LRP1B: variants seen among roughly 807,000 people sequenced by gnomAD.
LRP1B encodes LDL receptor related protein 1B, also known as low-density lipoprotein receptor-related protein 1B.
A neutral mutation model predicts 556.6 loss-of-function variants in LRP1B; 217 were observed. The ratio of observed to expected loss-of-function variants is 0.39; its 90% CI spans 0.35 to 0.44. The LOEUF (loss-of-function observed/expected upper bound fraction) is 0.44, where lower values mean the gene tolerates loss of function less well. Among genes scored for constraint, LRP1B ranks in the 20% least tolerant of loss-of-function variants. LRP1B has a pLI of 1.00. For missense variants in LRP1B, 5,053 were observed against 5,620.8 expected, an observed-to-expected ratio of 0.90 and a Z score of 3.23; for synonymous variants, 2,047 against 1,865.8, an observed-to-expected ratio of 1.10 and a Z score of -2.50.
intron 1 of LRP1B, among the ~76,000 whole-genome samples, chr2:142,011,233 G>A (rs1053103365): frequency 2.0e-5 from 3 of 152,044 alleles, no homozygotes; most frequent in Non-Finnish European, 2.9e-5. Flanking sequence ...GCTTAAAATC[G>A]TATTCTGTGC....
chr2:141,697,544 T>C (rs974926710), intron 2 of LRP1B, among the ~76,000 whole-genome samples: 7 of 152,100 alleles, frequency 4.6e-5, no homozygotes, highest in East Asian at 1.9e-4. Context: ...TAAATATAGA[T>C]AGTTAAATGT....
In LRP1B at chr2:141,812,970, T is replaced by C. The variant is rs1392646777; in HGVS notation, c.83-2569A>G. ...AAGACTGGGTTCATGTGTACATGTG[T>C]CTGTGAGCCTGCTCATGGTGGGGAG... is the stretch of plus-strand genomic sequence containing the variant. On this transcript the variant is annotated intron_variant, in intron 1 of 90. Transcript: ENST00000389484. 2.6e-5 allele frequency among the ~76,000 whole-genome samples: 4 copies of C among 152,038 alleles called. No individual in the cohort carries two copies. In the East Asian group the frequency reaches 7.7e-4, roughly 29 times the overall value.
Position 140,526,341 on chromosome 2 carries a change from C to T in LRP1B, c.7772G>A (p.Cys2591Tyr). Residue 2591 changes from cysteine (C) to tyrosine (Y), a missense_variant, in exon 48 of 91, where the codon TGT (cysteine) becomes TAT (tyrosine). By Grantham distance (194) the Cys-to-Tyr change is radical. Around this residue, in one of 5 missense-constraint regions of LRP1B, gnomAD observed 3,619 missense variants for 3,931.9 expected, o/e 0.92. Transcript: ENST00000389484. ...TGCACAGCGGAACTCAACCGTGGCA[C>T]AGGTTGAAACTAGAAAAACAGGTAC... ...SDELDCKVSTCATVEFRCADG... is the reference protein window; with the variant it reads ...SDELDCKVSTYATVEFRCADG... 6.2e-7 allele frequency: 1 copy of T among 1,605,482 alleles called. No individual in the cohort carries two copies. The highest frequency in any genetic ancestry group is 1.1e-5 in the South Asian group (1 of 90,824).
chr2:140,625,011 A>G (rs941839546), intron 41 of LRP1B, among the ~76,000 whole-genome samples: 1 of 152,196 alleles, frequency 6.6e-6, no homozygotes, highest in Admixed American at 6.6e-5. Flanking sequence ...AAGAGAGAGC[A>G]TAAGAAAAAG....
chr2:141,991,859 A>G (rs1702353414), intron 1 of LRP1B, among the ~76,000 whole-genome samples: 1 of 152,076 alleles, frequency 6.6e-6, no homozygotes, highest in Non-Finnish European at 1.5e-5. Flanking sequence ...AATTTTGAGT[A>G]CTATTTCTAG....
At chr2:142,052,734 G>T (rs1704506732) in intron 1 of LRP1B, among the ~76,000 whole-genome samples, 1 of 151,880 alleles carries the variant, frequency 6.6e-6, no homozygotes, top group Non-Finnish European at 1.5e-5. Flanking sequence ...TTTCTTCATT[G>T]TTTTCAAGCT....
rs1689219578 is a variant in LRP1B, at chr2:140,769,224, T to C, written c.5747A>G (p.Asp1916Gly). 1.2e-6 allele frequency: 2 copies of C among 1,611,706 alleles called. No homozygotes were observed. The highest frequency in any genetic ancestry group is 1.7e-6 in the Non-Finnish European group (2 of 1,178,432). Residue 1916 changes from aspartate (D) to glycine (G), a missense_variant, in exon 35 of 91, where the codon GAT becomes GGT. Asp to Gly is a moderately conservative substitution (Grantham distance 94). Coordinates refer to ENST00000389484, the MANE Select transcript of LRP1B (RefSeq NM_018557.3). ...AAAAAGCTATTTACCTGCATGGAAA[T>C]CTATTCCCACGGCAAATGAAGTTCC... ...ISGTSFAVGI[D>G]FHAENDTIYW...
At chr2:140,307,065 T>A (rs1419413387) in intron 83 of LRP1B, among the ~76,000 whole-genome samples, 1 of 151,974 alleles carries the variant, frequency 6.6e-6, no homozygotes, top group Non-Finnish European at 1.5e-5. Flanking sequence ...CATAGCAAAA[T>A]CTGTCTCAGT....
chr2:141,254,737 G>T (rs1260487029), intron 3 of LRP1B, 96 bp from the exon 4 acceptor site: 8 of 903,786 alleles, frequency 8.9e-6, no homozygotes, highest in Non-Finnish European at 1.3e-5. Flanking sequence ...AGTCTTGATT[G>T]TTCTCCCAGA....
chr2:141,046,193 C>T (rs954971747), intron 11 of LRP1B, among the ~76,000 whole-genome samples: 2 of 152,136 alleles, frequency 1.3e-5, no homozygotes, highest in Admixed American at 6.6e-5. Flanking sequence ...TATTTACAAA[C>T]AGCAAACTCT....
At chr2:141,799,118 G>GT (rs902215463) in intron 2 of LRP1B, among the ~76,000 whole-genome samples, 2 of 152,186 alleles carry the variant, frequency 1.3e-5, no homozygotes, top group African/African-American at 2.4e-5. Flanking sequence ...AGTGTGTGGT[G>GT]TTTTTTTAAG....
At chr2:141,079,658 T>C (rs926293127) in intron 7 of LRP1B, among the ~76,000 whole-genome samples, 6 of 152,230 alleles carry the variant, frequency 3.9e-5, no homozygotes, top group African/African-American at 1.4e-4. Flanking sequence ...CAGCACTATT[T>C]CAGTTAGAAC....
chr2:140,748,418 A>AT (rs1559094171), intron 35 of LRP1B, among the ~76,000 whole-genome samples: 6 of 97,320 alleles, frequency 6.2e-5, no homozygotes, highest in African/African-American at 2.2e-4. Context: ...TTCATATATA[A>AT]TATATATTAT....
chr2:141,019,772 A>T (rs1004938702), intron 12 of LRP1B, 150 bp downstream of exon 12: 6 of 517,130 alleles, frequency 1.2e-5, no homozygotes, highest in Non-Finnish European at 2.0e-5. Context: ...GTACAGAAAA[A>T]CCCTTAAATG....
At chr2:141,553,236 T>C (rs1243666132) in intron 2 of LRP1B, among the ~76,000 whole-genome samples, 1 of 151,916 alleles carries the variant, frequency 6.6e-6, no homozygotes. Context: ...CTAAGATCAA[T>C]TTCAATTTTA....
chr2:140,649,853 G>A (rs1684613254), intron 41 of LRP1B, among the ~76,000 whole-genome samples: 1 of 152,104 alleles, frequency 6.6e-6, no homozygotes, highest in South Asian at 2.1e-4. Context: ...CACCTGGATG[G>A]TTATAGTTTG....
intron 49 of LRP1B, among the ~76,000 whole-genome samples, chr2:140,522,418 G>C (rs1360105999): frequency 6.6e-6 from 1 of 151,730 alleles, no homozygotes; most frequent in Non-Finnish European, 1.5e-5. Context: ...CTGAGATGTG[G>C]CAAAAACAGT....
chr2:140,338,871 C>T (rs1044230668), intron 77 of LRP1B, among the ~76,000 whole-genome samples: 1 of 151,576 alleles, frequency 6.6e-6, no homozygotes, highest in Non-Finnish European at 1.5e-5. Flanking sequence ...ATAAAAATTT[C>T]ACTTGCCCCA....
chr2:140,932,923 A>ATG (rs1695096016), intron 20 of LRP1B, among the ~76,000 whole-genome samples: 3 of 149,402 alleles, frequency 2.0e-5, no homozygotes, highest in African/African-American at 7.4e-5. Flanking sequence ...ACACATATAT[A>ATG]TGTGTATATA....
Sources: allele counts gnomAD v4.1 joint callset (sites outside exome capture counted in the v4.1 genomes callset), GRCh38; gene constraint gnomAD v4.1.1; regional missense constraint gnomAD v4.1.1; transcripts MANE v1.5; gene names NCBI Gene and HGNC (gene_info 2026-07-23, HGNC 2026-07-21).